The following STX7 variants were observed in gnomAD, a reference collection of about 807,000 sequenced individuals.
The protein encoded by STX7 is syntaxin-7.
Under a neutral mutation model 39.6 loss-of-function variants are expected in STX7, and 34 were observed. That is an observed-to-expected ratio of 0.86 (90% CI 0.65 to 1.14). The LOEUF (loss-of-function observed/expected upper bound fraction) is 1.14. Ranked by LOEUF, STX7 falls within the 50% of genes most tolerant of loss-of-function variation. The probability of loss-of-function intolerance (pLI) is 0.00; values close to 1 mark genes in which losing one functional copy is unlikely to be tolerated. For synonymous variants in STX7, 119 were observed against 99.1 expected (o/e 1.20, Z -1.19); for missense variants, 284 against 310.4 (o/e 0.92, Z 0.64).
intron 1 of STX7, among the ~76,000 whole-genome samples, chr6:132,504,267 A>G (rs150829817): frequency 1.7e-3 from 254 of 152,336 alleles, no homozygotes; most frequent in African/African-American, 5.4e-3. Flanking sequence ...AGAGCCAACT[A>G]CTGCGAAGCA....
chr6:132,483,986 A>G lies in STX7; in HGVS notation c.86-8324T>C, dbSNP rs138966291. ...TTGATTGGCATAGGTCCAATTAAAG[A>G]AAAAAACTCATGAAACAAGCCGCAG... On this transcript the variant is annotated intron_variant, in intron 2 of 9. Coordinates refer to ENST00000367941, the MANE Select transcript of STX7 (RefSeq NM_003569.3). Among the ~76,000 whole-genome samples, 282 of 152,314 alleles carry G rather than the reference A, an allele frequency of 1.9e-3. 2 individuals carry two copies. Among genetic ancestry groups the G allele is most frequent in the Non-Finnish European group, 3.1e-3 (213 of 68,020 alleles).
Position 132,460,784 on chromosome 6 carries a change from G to C in STX7, c.760C>G (p.Leu254Val), listed in dbSNP as rs779598894. Residue 254 changes from leucine (L) to valine (V), a missense_variant, in exon 10 of 10, where the codon CTC becomes GTC. Physicochemically the swap from Leu to Val is conservative, Grantham distance 32 (BLOSUM62 1). Coordinates refer to ENST00000367941, the MANE Select transcript of STX7 (RefSeq NM_003569.3). ...ILVIGVAIIS[L>V]IIWGLNH ...CAGTGGTTCAATCCCCATATGATGA[G>C]ACTGATAATCGCAACTCCAATGACA... The C allele has an allele frequency of 6.2e-7, 1 of 1,613,446 alleles. No homozygotes were observed. The highest frequency in any genetic ancestry group is 2.2e-5 in the East Asian group (1 of 44,836).
intron 1 of STX7, among the ~76,000 whole-genome samples, chr6:132,504,961 G>C (rs1248710038): frequency 6.6e-6 from 1 of 152,218 alleles, no homozygotes; most frequent in East Asian, 1.9e-4. Flanking sequence ...TTTACAAAAG[G>C]AAGGGAAGGT....
intron 2 of STX7, among the ~76,000 whole-genome samples, chr6:132,498,190 A>G (rs1775463139): frequency 6.6e-6 from 1 of 152,196 alleles, no homozygotes; most frequent in Admixed American, 6.5e-5. Context: ...GCCTGTAATA[A>G]AGTCATAGTT....
chr6:132,512,715 T>C lies in STX7; in HGVS notation c.-59+292A>G, dbSNP rs538342659. ...CGCCAGCCGTGCGCCTCCGGAGCTC[T>C]GCCCAGGGGACCGCGGCGGGTGCGT... On this transcript the variant is annotated intron_variant, in intron 1 of 9. Coordinates refer to ENST00000367941, the MANE Select transcript of STX7 (RefSeq NM_003569.3). 4.6e-5 allele frequency among the ~76,000 whole-genome samples: 7 copies of C among 152,228 alleles called. No individual in the cohort carries two copies. In the East Asian group the frequency reaches 1.2e-3, roughly 25 times the overall value.
rs1774086357 is a variant in STX7 at position 132,449,088 on chromosome 6, T to C, written c.*11670A>G. On this transcript the variant is annotated 3_prime_UTR_variant, in exon 10 of 10. Coordinates refer to ENST00000367941, the MANE Select transcript of STX7 (RefSeq NM_003569.3). Reference sequence around the variant, plus strand: ...CTGCAGCCTTGAACTCCTGGGCTCGTGTGATCCTCCCTCCTCAGCCTCTTG... The same window carrying C: ...CTGCAGCCTTGAACTCCTGGGCTCGCGTGATCCTCCCTCCTCAGCCTCTTG... 1 of 152,040 alleles carries C rather than the reference T, an allele frequency of 6.6e-6. No individual in the cohort carries two copies. Among genetic ancestry groups the C allele is most frequent in the Non-Finnish European group, 1.5e-5 (1 of 68,190 alleles). The allele number at this position is 152,040 out of a possible 1,614,324, so 9.4% of individuals were successfully genotyped here.
chr6:132,492,469 T>C (rs1775316398), intron 2 of STX7, among the ~76,000 whole-genome samples: 1 of 152,254 alleles, frequency 6.6e-6, no homozygotes. Flanking sequence ...CAGGTATTTT[T>C]ATTTTATTCG....
At chr6:132,512,940 G>T (rs1468503520) in intron 1 of STX7, 67 bp downstream of exon 1, 9 of 152,428 alleles carry the variant, frequency 5.9e-5, no homozygotes, top group Admixed American at 5.9e-4. Context: ...AGAAGGCGCA[G>T]CAGCCGCAGG....
chr6:132,486,257 G>A (rs916872667), intron 2 of STX7, among the ~76,000 whole-genome samples: 1 of 152,138 alleles, frequency 6.6e-6, no homozygotes, highest in African/African-American at 2.4e-5. Flanking sequence ...AATAGAAGTG[G>A]TGAGGGCAAG....
Position 132,463,978 on chromosome 6 carries a change from T to A in STX7, c.693+15A>T, listed in dbSNP as rs1365627550. On this transcript the variant is annotated intron_variant, in intron 9 of 9. Transcript: ENST00000367941. The stretch of plus-strand genomic sequence containing the variant: ...AAAGGATAAGTTATAAGAAAATTGA[T>A]CACAGTTAAATTACCTGATAATCTG... 6.2e-7 allele frequency: 1 copy of A among 1,613,300 alleles called. No individual in the cohort carries two copies. The highest frequency in any genetic ancestry group is 8.5e-7 in the Non-Finnish European group (1 of 1,179,322).
chr6:132,479,237 A>G (rs2114403155), intron 2 of STX7, among the ~76,000 whole-genome samples: 1 of 152,344 alleles, frequency 6.6e-6, no homozygotes, highest in South Asian at 2.1e-4. Flanking sequence ...TACCAGCTTT[A>G]GCTTCAACTC....
At chr6:132,498,563 G>T (rs1265134553) in intron 2 of STX7, among the ~76,000 whole-genome samples, 1 of 152,094 alleles carries the variant, frequency 6.6e-6, no homozygotes, top group Non-Finnish European at 1.5e-5. Context: ...CTAATTACAG[G>T]TTACCTTACT....
At chr6:132,497,829 T>C (rs1242419516) in intron 2 of STX7, among the ~76,000 whole-genome samples, 1 of 152,230 alleles carries the variant, frequency 6.6e-6, no homozygotes, top group Non-Finnish European at 1.5e-5. Flanking sequence ...GGAGAAATGA[T>C]AGAAGGTAAA....
chr6:132,483,388 T>G (rs1292728014), intron 2 of STX7, among the ~76,000 whole-genome samples: 1 of 152,178 alleles, frequency 6.6e-6, no homozygotes, highest in Non-Finnish European at 1.5e-5. Flanking sequence ...CCATGCAGAA[T>G]CCATGGAAAA....
intron 1 of STX7, among the ~76,000 whole-genome samples, chr6:132,506,707 C>T (rs1006460418): frequency 6.6e-6 from 1 of 151,998 alleles, no homozygotes. Context: ...AGTAGTACAA[C>T]CTCTACAGAA....
In STX7 at chr6:132,472,262, T is replaced by C; in HGVS notation, c.249+20A>G. The C allele has an allele frequency of 6.3e-7, 1 of 1,587,874 alleles. No homozygotes were observed. The highest frequency in any genetic ancestry group is 1.1e-5 in the South Asian group (1 of 87,888). On this transcript the variant is annotated intron_variant, in intron 4 of 9. Coordinates refer to ENST00000367941, the MANE Select transcript of STX7 (RefSeq NM_003569.3). Reference sequence around the variant, plus strand: ...TTTTTCACATTCAATACATCAACAATGTGTCTTAAAGCTTGATACCTGTTC... The same window carrying C: ...TTTTTCACATTCAATACATCAACAACGTGTCTTAAAGCTTGATACCTGTTC...
At chr6:132,474,047 G>A (rs915231882) in intron 3 of STX7, among the ~76,000 whole-genome samples, 1 of 151,618 alleles carries the variant, frequency 6.6e-6, no homozygotes, top group Non-Finnish European at 1.5e-5. Context: ...CCGGCAACAT[G>A]GCAAAACACC....
Position 132,453,581 on chromosome 6 carries a change from A to C in STX7, c.*7177T>G, listed in dbSNP as rs1332133143. On this transcript the variant is annotated 3_prime_UTR_variant, in exon 10 of 10. Transcript: ENST00000367941. ...ACACACATTATTTAAAAGCCCTCAA[A>C]ACTCAACAGAAAAAAAATCCAATTA... is the stretch of plus-strand genomic sequence containing the variant. 1.3e-5 allele frequency: 2 copies of C among 151,928 alleles called. No individual in the cohort carries two copies. The highest frequency in any genetic ancestry group is 6.6e-5 in the Admixed American group (1 of 15,216). The allele number at this position is 151,928 out of a possible 1,614,324, so 9.4% of individuals were successfully genotyped here.
intron 2 of STX7, among the ~76,000 whole-genome samples, chr6:132,484,953 C>G (rs1437533329): frequency 6.6e-6 from 1 of 152,176 alleles, no homozygotes; most frequent in East Asian, 1.9e-4. Context: ...TCAACAGAGT[C>G]TGTTGTTCTC....
Sources: allele counts gnomAD v4.1 joint callset (sites outside exome capture counted in the v4.1 genomes callset), GRCh38; gene constraint gnomAD v4.1.1; transcripts MANE v1.5; gene names NCBI Gene and HGNC (gene_info 2026-07-23, HGNC 2026-07-21).